TNS3: variants seen among roughly 807,000 people sequenced by gnomAD.
TNS3 encodes the protein tensin 3.
A neutral mutation model predicts 140.9 loss-of-function variants in TNS3; 45 were observed. The ratio of observed to expected loss-of-function variants is 0.32; its 90% CI spans 0.25 to 0.41. The LOEUF (loss-of-function observed/expected upper bound fraction) is 0.41. TNS3 is among the 10% of genes least tolerant of loss of function. The probability of loss-of-function intolerance (pLI) is 1.00; values close to 1 mark genes in which losing one functional copy is unlikely to be tolerated. For missense variants in TNS3, 1,716 were observed against 1,906.7 expected, an observed-to-expected ratio of 0.90 and a Z score of 1.86; for synonymous variants, 815 against 788.4, an observed-to-expected ratio of 1.03 and a Z score of -0.56.
intron 4 of TNS3, among the ~76,000 whole-genome samples, chr7:47,448,252 A>C (rs1795846726): frequency 2.6e-5 from 4 of 152,200 alleles, no homozygotes; most frequent in African/African-American, 9.6e-5. Flanking sequence ...GAGCACAGGG[A>C]GGAGGGAAGA....
At chr7:47,429,196 A>G (rs1794807480) in intron 8 of TNS3, among the ~76,000 whole-genome samples, 1 of 152,234 alleles carries the variant, frequency 6.6e-6, no homozygotes, top group African/African-American at 2.4e-5. Context: ...ATTCCATGCC[A>G]TGTGAAAATG....
At chr7:47,350,061 T>C (rs1789575473) in intron 17 of TNS3, among the ~76,000 whole-genome samples, 1 of 152,206 alleles carries the variant, frequency 6.6e-6, no homozygotes, top group African/African-American at 2.4e-5. Flanking sequence ...AACTGCCAAC[T>C]CTATTCCTCT....
At chr7:47,522,392 C>G (rs1429018294) in intron 2 of TNS3, among the ~76,000 whole-genome samples, 1 of 152,130 alleles carries the variant, frequency 6.6e-6, no homozygotes, top group African/African-American at 2.4e-5. Context: ...CACGTAACTT[C>G]CGACCCCCCA....
chr7:47,501,436 C>T (rs970650668), intron 3 of TNS3, among the ~76,000 whole-genome samples: 3 of 152,130 alleles, frequency 2.0e-5, no homozygotes, highest in Non-Finnish European at 4.4e-5. Flanking sequence ...AAGGTGGGGA[C>T]GAGAGTCTGC....
intron 3 of TNS3, among the ~76,000 whole-genome samples, chr7:47,502,134 T>C (rs1228167909): frequency 6.6e-6 from 1 of 152,112 alleles, no homozygotes; most frequent in Non-Finnish European, 1.5e-5. Flanking sequence ...GCAACGCCCA[T>C]GAATTCTGGG....
In TNS3 at chr7:47,437,256, T is replaced by G. The variant is rs754212409; in HGVS notation, c.201+7A>C. On this transcript the variant is annotated splice_region_variant and intron_variant, in intron 7 of 30. Coordinates refer to ENST00000311160, the MANE Select transcript of TNS3 (RefSeq NM_022748.12). ...AAATGCAGAATATAAAGGGATGAAC[T>G]CTGTACCTTTGGGTTAAGCTTCGTA... is the stretch of plus-strand genomic sequence containing the variant. 5.7e-5 allele frequency: 88 copies of G among 1,555,362 alleles called. No homozygotes were observed. The highest frequency in any genetic ancestry group is 5.3e-5 in the Non-Finnish European group (61 of 1,155,414).
Position 47,369,478 on chromosome 7 carries a change from T to TGTG in TNS3, c.1167_1168insCAC (p.Val389_Ser390insHis). 1 of 1,614,172 alleles carries TGTG rather than the reference T, an allele frequency of 6.2e-7. No homozygotes were observed. The highest frequency in any genetic ancestry group is 8.5e-7 in the Non-Finnish European group (1 of 1,180,030). The stretch of plus-strand genomic sequence containing the variant: ...GCTGTAGAGTGGCCGGAGTCACTGC[T>TGTG]GACAGACAAGGTGTGGTCACTGTGG... On this transcript the variant is annotated inframe_insertion, in exon 17 of 31. Transcript: ENST00000311160.
chr7:47,280,321 A>T lies in TNS3; in HGVS notation c.4131T>A (p.Ser1377Arg). 1 of 1,614,128 alleles carries T rather than the reference A, an allele frequency of 6.2e-7. No individual in the cohort carries two copies. Among genetic ancestry groups the T allele is most frequent in the East Asian group, 2.2e-5 (1 of 44,884 alleles). ...GTGGGTCCAAGGCACAGAAAATCAC[A>T]CTGTTCACGGGGTAATGCCTCCGGA... ...LFFRRHYPVN[S>R]VIFCALDPQD... Residue 1377 changes from serine (S) to arginine (R), a missense_variant, in exon 29 of 31, where the codon AGT becomes AGA. Transcript: ENST00000311160.
At chr7:47,466,124 T>TA (rs1364333108) in intron 4 of TNS3, among the ~76,000 whole-genome samples, 1 of 152,248 alleles carries the variant, frequency 6.6e-6, no homozygotes, top group East Asian at 1.9e-4. Flanking sequence ...AATAAAGTCT[T>TA]ACGATGTTTA....
Position 47,303,526 on chromosome 7 carries a change from G to T in TNS3, c.2881C>A (p.Leu961Met). Residue 961 changes from leucine to methionine, a missense_variant, in exon 22 of 31, where the codon CTG becomes ATG. Physicochemically the swap from Leu to Met is conservative, Grantham distance 15. This residue lies in a region of TNS3 where 1,163 missense variants were observed against 1,182.1 expected (regional missense o/e 0.98). Coordinates refer to ENST00000311160, the MANE Select transcript of TNS3 (RefSeq NM_022748.12). ...CTTCCGGTGGGCCGGCCGCTCCCCAGCAGGGAAACCATGGGCTTGGGGCTG... is the reference window on the plus strand; with the variant it reads ...CTTCCGGTGGGCCGGCCGCTCCCCATCAGGGAAACCATGGGCTTGGGGCTG... ...ESSPKPMVSL[L>M]GSGRPTGSPL... is the part of the protein sequence containing the mutation. 2 of 1,606,378 alleles carry T rather than the reference G, an allele frequency of 1.2e-6. No homozygotes were observed. The highest frequency in any genetic ancestry group is 1.7e-6 in the Non-Finnish European group (2 of 1,179,104).
At chr7:47,310,098 A>G (rs556766105) in intron 20 of TNS3, among the ~76,000 whole-genome samples, 2 of 152,350 alleles carry the variant, frequency 1.3e-5, no homozygotes, top group East Asian at 3.9e-4. Flanking sequence ...TTTGGAGTTC[A>G]GAGCTACCAA....
chr7:47,576,210 C>T (rs1314386547), intron 1 of TNS3, among the ~76,000 whole-genome samples: 1 of 152,186 alleles, frequency 6.6e-6, no homozygotes, highest in Admixed American at 6.5e-5. Flanking sequence ...TCCAGAAGGA[C>T]CACAAGGTGC....
In TNS3 at chr7:47,291,959, C is replaced by T; in HGVS notation, c.3924G>A (p.Gly1308=). 6.2e-7 allele frequency: 1 copy of T among 1,614,132 alleles called. No individual in the cohort carries two copies. ...ANSAAELLKQ[G]AACNVWYLNS... ...AATGGAGCTGCATTTACTGACCTGC[C>T]CCCTGCTTCAACAGCTCAGCTGCTG... Residue 1308 remains glycine, a synonymous_variant, in exon 27 of 31, where the codon GGG becomes GGA. Coordinates refer to ENST00000311160, the MANE Select transcript of TNS3 (RefSeq NM_022748.12).
intron 4 of TNS3, among the ~76,000 whole-genome samples, chr7:47,459,038 T>C (rs1045705971): frequency 5.3e-4 from 81 of 152,348 alleles, no homozygotes; most frequent in African/African-American, 1.9e-3. Flanking sequence ...AATGGTGCTT[T>C]ATGTCCATAT....
intron 3 of TNS3, among the ~76,000 whole-genome samples, chr7:47,485,421 T>C (rs1584755691): frequency 6.6e-6 from 1 of 152,326 alleles, no homozygotes; most frequent in East Asian, 1.9e-4. Flanking sequence ...ACGGGAACTC[T>C]CCCAGAGATG....
chr7:47,302,834 T>A, intron 22 of TNS3, 116 bp downstream of exon 22: 1 of 1,398,778 alleles, frequency 7.1e-7, no homozygotes. Flanking sequence ...CTGGATTTCC[T>A]CTCCAGGTGC....
chr7:47,504,128 T>C (rs1170213436), intron 3 of TNS3, among the ~76,000 whole-genome samples: 1 of 152,148 alleles, frequency 6.6e-6, no homozygotes, highest in East Asian at 1.9e-4. Context: ...TCTGCCTCCA[T>C]CCATCCACTG....
At chr7:47,302,693 G>A (rs897351760) in intron 22 of TNS3, among the ~76,000 whole-genome samples, 2 of 152,216 alleles carry the variant, frequency 1.3e-5, no homozygotes, top group Non-Finnish European at 2.9e-5. Context: ...TAGAACCACT[G>A]CAAATGTCTG....
intron 13 of TNS3, among the ~76,000 whole-genome samples, chr7:47,405,121 T>C (rs1447912611): frequency 6.6e-6 from 1 of 152,070 alleles, no homozygotes; most frequent in African/African-American, 2.4e-5. Flanking sequence ...AAACTCTCCA[T>C]CAACAAGAGA....
Sources: allele counts gnomAD v4.1 joint callset (sites outside exome capture counted in the v4.1 genomes callset), GRCh38; gene constraint gnomAD v4.1.1; regional missense constraint gnomAD v4.1.1; transcripts MANE v1.5; gene names NCBI Gene and HGNC (gene_info 2026-07-23, HGNC 2026-07-21).